KIF16B: variants seen among roughly 807,000 people sequenced by gnomAD.
KIF16B encodes kinesin family member 16B.
Under a neutral mutation model 156.3 loss-of-function variants are expected in KIF16B, and 98 were observed. The observed-to-expected ratio is 0.63, with a 90% confidence interval of 0.53 to 0.74. The LOEUF is 0.74. Among genes scored for constraint, KIF16B ranks in the 30% least tolerant of loss-of-function variants. The pLI, the probability that KIF16B is intolerant of heterozygous loss-of-function variation, is 0.00. For missense variants in KIF16B, 1,421 were observed against 1,606.5 expected (o/e 0.88, Z 1.97); for synonymous variants, 564 against 583.7 (o/e 0.97, Z 0.49).
intron 2 of KIF16B, among the ~76,000 whole-genome samples, chr20:16,527,019 G>T (rs1353529256): frequency 6.6e-6 from 1 of 152,122 alleles, no homozygotes; most frequent in Non-Finnish European, 1.5e-5. Flanking sequence ...ATTCCATAAC[G>T]CACAAAGAAA....
chr20:16,284,649 T>C (rs1452540187), intron 25 of KIF16B, among the ~76,000 whole-genome samples: 1 of 152,038 alleles, frequency 6.6e-6, no homozygotes, highest in African/African-American at 2.4e-5. Context: ...TGTAGCACAA[T>C]CACAGTTCCT....
intron 25 of KIF16B, among the ~76,000 whole-genome samples, chr20:16,290,981 T>C (rs1413741093): frequency 1.3e-5 from 2 of 152,118 alleles, no homozygotes; most frequent in African/African-American, 4.8e-5. Flanking sequence ...AACTAAGTTT[T>C]AGAAATTGGG....
intron 25 of KIF16B, among the ~76,000 whole-genome samples, chr20:16,279,902 ACAGAGTAATT>A (rs373088392): frequency 5.1e-4 from 78 of 152,364 alleles, no homozygotes; most frequent in African/African-American, 1.8e-3. Flanking sequence ...CTACAGCAAT[ACAGAGTAATT>A]CAGCAAGAAT....
chr20:16,550,528 C>CTTTTTT (rs745923425), intron 1 of KIF16B, among the ~76,000 whole-genome samples: 44 of 103,476 alleles, frequency 4.3e-4, no homozygotes, highest in East Asian at 9.4e-4. Flanking sequence ...ATGAAACATT[C>CTTTTTT]TTTTTTTTTT....
chr20:16,428,923 T>G, intron 14 of KIF16B, 30 bp downstream of exon 14: 1 of 1,594,642 alleles, frequency 6.3e-7, no homozygotes, highest in Non-Finnish European at 8.6e-7. Flanking sequence ...AAAAAATCAT[T>G]GGGAACAGAT....
intron 25 of KIF16B, among the ~76,000 whole-genome samples, chr20:16,292,563 A>G (rs1233905755): frequency 6.6e-6 from 1 of 152,218 alleles, no homozygotes; most frequent in Non-Finnish European, 1.5e-5. Context: ...ACAAGTCTGA[A>G]AAAGAGGGAG....
At chr20:16,488,624 G>A (rs545053644) in intron 12 of KIF16B, among the ~76,000 whole-genome samples, 26 of 152,284 alleles carry the variant, frequency 1.7e-4, no homozygotes, top group Non-Finnish European at 3.4e-4. Context: ...AGGGCAGGGG[G>A]ATTGAGTAGT....
At chr20:16,483,219 G>C (rs948461268) in intron 12 of KIF16B, among the ~76,000 whole-genome samples, 1 of 152,134 alleles carries the variant, frequency 6.6e-6, no homozygotes, top group South Asian at 2.1e-4. Context: ...TAGAACCAAG[G>C]AGAATCCTGG....
intron 12 of KIF16B, among the ~76,000 whole-genome samples, chr20:16,464,180 C>T (rs1045678209): frequency 1.3e-5 from 2 of 152,132 alleles, no homozygotes; most frequent in African/African-American, 4.8e-5. Context: ...TGATAACCCA[C>T]ACTGGAGGCA....
chr20:16,326,924 C>G (rs927162334), intron 24 of KIF16B, among the ~76,000 whole-genome samples: 1 of 151,172 alleles, frequency 6.6e-6, no homozygotes, highest in African/African-American at 2.4e-5. Flanking sequence ...ATGGAATCAG[C>G]CCAAATGCCC....
intron 6 of KIF16B, among the ~76,000 whole-genome samples, chr20:16,511,197 G>A (rs2068944745): frequency 6.6e-6 from 1 of 152,178 alleles, no homozygotes; most frequent in Non-Finnish European, 1.5e-5. Flanking sequence ...AAAGACAGAG[G>A]AAATCTATTG....
chr20:16,320,685 G>A (rs1010379175), intron 24 of KIF16B, among the ~76,000 whole-genome samples: 2 of 152,098 alleles, frequency 1.3e-5, no homozygotes, highest in African/African-American at 4.8e-5. Flanking sequence ...AACACATCAA[G>A]GTGCATCTTT....
At position 16,506,006 on chromosome 20, in the gene KIF16B, C is replaced by T. The variant is rs1439415325; in HGVS notation, c.868+16G>A. On this transcript the variant is annotated intron_variant, in intron 8 of 25. Coordinates refer to ENST00000354981, the MANE Select transcript of KIF16B (RefSeq NM_024704.5). The stretch of plus-strand genomic sequence containing the variant: ...GAGGAGGAAACAGAGGAGGCAGGAG[C>T]CAGGCGTAAGCATACCTAAGGCAGA... 6.2e-7 allele frequency: 1 copy of T among 1,613,526 alleles called. No homozygotes were observed. The highest frequency in any genetic ancestry group is 2.2e-5 in the East Asian group (1 of 44,864).
intron 12 of KIF16B, among the ~76,000 whole-genome samples, chr20:16,482,050 A>C (rs559686106): frequency 1.3e-5 from 2 of 152,288 alleles, no homozygotes; most frequent in Admixed American, 1.3e-4. Flanking sequence ...AGAATAACAA[A>C]GGTGACATGT....
chr20:16,536,236 C>G (rs942447225), intron 1 of KIF16B, among the ~76,000 whole-genome samples: 1 of 151,496 alleles, frequency 6.6e-6, no homozygotes, highest in Non-Finnish European at 1.5e-5. Flanking sequence ...ATAAGCCAGG[C>G]ACAGAAAGGT....
At chr20:16,507,483 T>C (rs1415405392) in intron 7 of KIF16B, among the ~76,000 whole-genome samples, 1 of 152,196 alleles carries the variant, frequency 6.6e-6, no homozygotes, top group Non-Finnish European at 1.5e-5. Flanking sequence ...CACCTCTTGA[T>C]CATAATGAAT....
intron 1 of KIF16B, among the ~76,000 whole-genome samples, chr20:16,563,540 A>G (rs2071144456): frequency 6.6e-6 from 1 of 152,214 alleles, no homozygotes; most frequent in African/African-American, 2.4e-5. Context: ...ACTTAGAAAA[A>G]CAGTCAAGAA....
In KIF16B at chr20:16,470,115, T is replaced by C. The variant is rs144627291; in HGVS notation, c.1302+24176A>G. Among the ~76,000 whole-genome samples the C allele has an allele frequency of 7.9e-5, 12 of 152,318 alleles. No individual in the cohort carries two copies. The East Asian group carries it at 2.3e-3, about 29-fold the overall frequency. On this transcript the variant is annotated intron_variant, in intron 12 of 25. Transcript: ENST00000354981. ...GGCTCATATGGTATGATTCCACCTA[T>C]ATGACATTTTAGAAAAGGCAAAACT...
intron 15 of KIF16B, among the ~76,000 whole-genome samples, chr20:16,408,279 A>G (rs1195165599): frequency 2.0e-5 from 3 of 152,186 alleles, no homozygotes; most frequent in African/African-American, 7.2e-5. Context: ...AGGATAAGAC[A>G]GTTTAGGAGC....
Sources: allele counts gnomAD v4.1 joint callset (sites outside exome capture counted in the v4.1 genomes callset), GRCh38; gene constraint gnomAD v4.1.1; transcripts MANE v1.5; gene names NCBI Gene and HGNC (gene_info 2026-07-23, HGNC 2026-07-21).